The following SYCE1L variants were observed in gnomAD, a reference collection of about 807,000 sequenced individuals.
SYCE1L encodes the protein synaptonemal complex central element protein 1 like, also known as synaptonemal complex central element protein 1-like.
SYCE1L carries 51 observed loss-of-function variants against 39.6 expected under a neutral mutation model. The ratio of observed to expected loss-of-function variants is 1.29; its 90% CI spans 1.03 to 1.63. SYCE1L has a LOEUF of 1.63. Ranked by LOEUF, SYCE1L falls within the 40% of genes most tolerant of loss-of-function variation. The pLI, the probability that SYCE1L is intolerant of heterozygous loss-of-function variation, is 0.00. For missense variants in SYCE1L, 426 were observed against 304.9 expected (o/e 1.40, Z -2.96); for synonymous variants, 147 against 122.4 (o/e 1.20, Z -1.33).
chr16:77,204,842 C>T (rs1200789481), intron 1 of SYCE1L, among the ~76,000 whole-genome samples: 2 of 151,824 alleles, frequency 1.3e-5, no homozygotes, highest in Non-Finnish European at 2.9e-5. Context: ...CTCAGGAGTT[C>T]GAGACCAGCC....
At chr16:77,211,411 C>G in intron 7 of SYCE1L, 135 bp downstream of exon 7, 1 of 1,018,348 alleles carries the variant, frequency 9.8e-7, no homozygotes, top group Non-Finnish European at 1.5e-6. Flanking sequence ...CGCTTGCCCA[C>G]CTATTCAGTC....
At chr16:77,206,756 C>T (rs1351714412) in intron 2 of SYCE1L, among the ~76,000 whole-genome samples, 1 of 152,134 alleles carries the variant, frequency 6.6e-6, no homozygotes, top group Non-Finnish European at 1.5e-5. Flanking sequence ...TTCCCTGACT[C>T]ATGGGCAAGC....
intron 6 of SYCE1L, 120 bp from the exon 7 acceptor site, chr16:77,211,093 C>A: frequency 9.1e-7 from 1 of 1,093,688 alleles, no homozygotes; most frequent in Non-Finnish European, 1.4e-6. Context: ...AGGATAAAAC[C>A]CATGAAGGGG....
chr16:77,212,912 C>G lies in SYCE1L; in HGVS notation c.710C>G (p.Ala237Gly), dbSNP rs1404035462. 4.6e-6 allele frequency: 7 copies of G among 1,530,370 alleles called. No homozygotes were observed. In the Middle Eastern group the frequency reaches 5.2e-4, roughly 114 times the overall value. The allele number at this position is 1,530,370 out of a possible 1,614,324, so 94.8% of individuals were successfully genotyped here. A position where few individuals can be genotyped will look rare whatever the true frequency, so the allele number is the denominator to read the frequency against. ...GAGGAGGATCCCGAGCCGCCGGTGG[C>G]TGCCCCTGACGCCCTCTAGGCCAGC... Reference protein sequence around the residue: ...RDEEDPEPPVAAPDAL With the variant: ...RDEEDPEPPVGAPDAL Residue 237 changes from alanine to glycine, a missense_variant, in exon 11 of 11, where the codon GCT becomes GGT. By Grantham distance (60) the Ala-to-Gly change is moderately conservative. Transcript: ENST00000378644.
rs2054836162 is a variant in SYCE1L at position 77,212,892 on chromosome 16, G to C, written c.690G>C (p.Glu230Asp). ...GPELPRARDE[E>D]DPEPPVAAPD... is the part of the protein sequence containing the mutation. Reference sequence around the variant, plus strand: ...AGCTCCCCCGCGCTCGCGACGAGGAGGATCCCGAGCCGCCGGTGGCTGCCC... The same window carrying C: ...AGCTCCCCCGCGCTCGCGACGAGGACGATCCCGAGCCGCCGGTGGCTGCCC... The change falls in exon 11 of 11, where the codon GAG becomes GAC. Residue 230 changes from glutamate to aspartate, a missense_variant. Physicochemically the swap from Glu to Asp is conservative, Grantham distance 45 (BLOSUM62 2). Coordinates refer to ENST00000378644, the MANE Select transcript of SYCE1L (RefSeq NM_001129979.3). The C allele has an allele frequency of 3.9e-6, 6 of 1,530,220 alleles. No individual in the cohort carries two copies. The highest frequency in any genetic ancestry group is 5.3e-6 in the Non-Finnish European group (6 of 1,140,836). The allele number at this position is 1,530,220 out of a possible 1,614,324, so 94.8% of individuals were successfully genotyped here.
rs1167237690 is a variant in SYCE1L, at chr16:77,212,379, G to T, written c.581+10G>T. ...TGGCGGTGAATGACGGGTGAGAGGG[G>T]AAGGGAGGAGTGGGCGAGGAGGGCA... On this transcript the variant is annotated intron_variant, in intron 9 of 10. Coordinates refer to ENST00000378644, the MANE Select transcript of SYCE1L (RefSeq NM_001129979.3). 2.6e-6 allele frequency: 4 copies of T among 1,528,120 alleles called. No individual in the cohort carries two copies. The highest frequency in any genetic ancestry group is 1.4e-5 in the African/African-American group (1 of 71,646). The allele number at this position is 1,528,120 out of a possible 1,614,324, so 94.7% of individuals were successfully genotyped here. A position where few individuals can be genotyped will look rare whatever the true frequency, so the allele number is the denominator to read the frequency against.
In SYCE1L at chr16:77,212,168, G is replaced by C. The variant is rs954470374; in HGVS notation, c.462G>C (p.Leu154=). The change falls in exon 8 of 11, where the codon CTG becomes CTC. Residue 154 remains leucine (L), a synonymous_variant. Coordinates refer to ENST00000378644, the MANE Select transcript of SYCE1L (RefSeq NM_001129979.3). ...EQRLAREIRA[L]ERSKEQLLSE... is the part of the protein sequence containing the mutation. Reference sequence around the variant, plus strand: ...GACTGGCCCGGGAGATCCGTGCCCTGGAGAGAAGCAAGGAGCAGCTGCTCT... The same window carrying C: ...GACTGGCCCGGGAGATCCGTGCCCTCGAGAGAAGCAAGGAGCAGCTGCTCT... 1.9e-6 allele frequency: 3 copies of C among 1,549,268 alleles called. No homozygotes were observed. Among genetic ancestry groups the C allele is most frequent in the Admixed American group, 2.0e-5 (1 of 50,906 alleles).
At chr16:77,208,577 G>C (rs1440979892) in intron 4 of SYCE1L, 38 bp downstream of exon 4, 4 of 1,546,078 alleles carry the variant, frequency 2.6e-6, no homozygotes, top group Non-Finnish European at 1.8e-6. Context: ...CAACACTGCA[G>C]ATGTTCCTGT....
intron 10 of SYCE1L, 22 bp from the exon 11 acceptor site, chr16:77,212,835 A>C: frequency 6.8e-7 from 1 of 1,465,588 alleles, no homozygotes; most frequent in Non-Finnish European, 9.0e-7. Flanking sequence ...CCTGGTCCGC[A>C]GCCTCACCCA....
chr16:77,213,010 C>A lies in SYCE1L; in HGVS notation c.*79C>A. Reference sequence around the variant, plus strand: ...AGGCGATGATTTCCGACCATGCTCGCGTTCTCCGCGGAGTCTGTGCTACAC... The same window carrying A: ...AGGCGATGATTTCCGACCATGCTCGAGTTCTCCGCGGAGTCTGTGCTACAC... On this transcript the variant is annotated 3_prime_UTR_variant, in exon 11 of 11. Transcript: ENST00000378644. The A allele has an allele frequency of 2.9e-6, 4 of 1,370,240 alleles. No homozygotes were observed. Among genetic ancestry groups the A allele is most frequent in the Non-Finnish European group, 3.9e-6 (4 of 1,037,218 alleles). 84.9% of individuals were successfully genotyped at this position (1,370,240 alleles called of 1,614,324 possible).
At position 77,209,083 on chromosome 16, in the gene SYCE1L, A is replaced by G. The variant is rs2054805513; in HGVS notation, c.257-14A>G. ...GGGGTGCCTGGAGGCAGAAAGTGTC[A>G]TTGTGTTTTCCAGTGAATGGAGAGA... On this transcript the variant is annotated splice_polypyrimidine_tract_variant and intron_variant, in intron 4 of 10. Transcript: ENST00000378644. 6.4e-7 allele frequency: 1 copy of G among 1,551,574 alleles called. No individual in the cohort carries two copies. Among genetic ancestry groups the G allele is most frequent in the Non-Finnish European group, 8.7e-7 (1 of 1,146,998 alleles).
intron 1 of SYCE1L, among the ~76,000 whole-genome samples, chr16:77,203,465 TC>T (rs2054760905): frequency 1.1e-5 from 1 of 88,208 alleles, no homozygotes; most frequent in Admixed American, 9.8e-5. Flanking sequence ...ACCAAATATT[TC>T]AAAAAAAAAT....
rs182004691 is a variant in SYCE1L at position 77,205,293 on chromosome 16, G to C, written c.62-1148G>C. Among the ~76,000 whole-genome samples the C allele has an allele frequency of 2.6e-5, 4 of 151,728 alleles. No individual in the cohort carries two copies. The East Asian group carries it at 7.7e-4, about 29-fold the overall frequency. ...CGTCTTCTCTTCAGTTTTCCTTAGA[G>C]AGGCGTAGGTCACTGAGATTTGACT... On this transcript the variant is annotated intron_variant, in intron 1 of 10. Transcript: ENST00000378644.
rs763648017 is a variant in SYCE1L at position 77,207,919 on chromosome 16, GC to G, written c.122-290del. On this transcript the variant is annotated intron_variant, in intron 2 of 10. Coordinates refer to ENST00000378644, the MANE Select transcript of SYCE1L (RefSeq NM_001129979.3). The stretch of plus-strand genomic sequence containing the variant: ...TTCCTTCTTCTCATCTGGGGCCTTT[GC>G]ATATCCCCAGACATGCCTTTTACCC... 5.3e-5 allele frequency among the ~76,000 whole-genome samples: 8 copies of G among 152,132 alleles called. No individual in the cohort carries two copies. The East Asian group carries it at 5.8e-4, about 11-fold the overall frequency.
intron 1 of SYCE1L, among the ~76,000 whole-genome samples, chr16:77,204,653 A>G (rs916170806): frequency 6.6e-6 from 1 of 152,216 alleles, no homozygotes; most frequent in Non-Finnish European, 1.5e-5. Flanking sequence ...AATGCCATGC[A>G]GCCACTAAAA....
intron 1 of SYCE1L, among the ~76,000 whole-genome samples, chr16:77,205,159 A>T (rs1336582479): frequency 6.6e-6 from 1 of 151,628 alleles, no homozygotes; most frequent in Non-Finnish European, 1.5e-5. Context: ...TCTGAGGAGG[A>T]GAATTGGAGA....
chr16:77,209,202 G>A, intron 5 of SYCE1L, 58 bp downstream of exon 5: 5 of 1,528,856 alleles, frequency 3.3e-6, no homozygotes, highest in Non-Finnish European at 4.4e-6. Flanking sequence ...AAAAGTCTAT[G>A]CTCCTCAGAG....
chr16:77,201,736 T>C (rs1299060487), intron 1 of SYCE1L: 1 of 152,192 alleles, frequency 6.6e-6, no homozygotes, highest in Non-Finnish European at 1.5e-5. Context: ...GGAGTGTCTC[T>C]GTGGTGGATT....
intron 7 of SYCE1L, among the ~76,000 whole-genome samples, chr16:77,211,757 G>T (rs752496357): frequency 1.5e-4 from 23 of 152,188 alleles, no homozygotes; most frequent in Non-Finnish European, 3.1e-4. Context: ...CAGTGGGAAG[G>T]CCTCTAAGCA....
Sources: gnomAD v4.1 joint callset for allele counts (sites outside exome capture counted in the v4.1 genomes callset) on GRCh38, gnomAD v4.1.1 for gene constraint, MANE v1.5 for transcripts, NCBI Gene and HGNC (gene_info 2026-07-23, HGNC 2026-07-21) for gene names.